The following PPIP5K2 variants were observed in gnomAD, a reference collection of about 807,000 sequenced individuals.
The protein encoded by PPIP5K2 is inositol hexakisphosphate and diphosphoinositol-pentakisphosphate kinase 2.
PPIP5K2 carries 105 observed loss-of-function variants against 154.6 expected under a neutral mutation model. The ratio of observed to expected loss-of-function variants is 0.68; its 90% CI spans 0.58 to 0.80. PPIP5K2 has a LOEUF of 0.80. PPIP5K2 is among the 30% of genes least tolerant of loss of function. PPIP5K2 has a pLI of 0.00. For missense variants in PPIP5K2, 992 were observed against 1,504.6 expected (o/e 0.66, Z 5.64); for synonymous variants, 480 against 490.3 (o/e 0.98, Z 0.28).
chr5:103,156,620 G>A (rs1276891553), intron 14 of PPIP5K2, among the ~76,000 whole-genome samples: 2 of 152,100 alleles, frequency 1.3e-5, no homozygotes, highest in African/African-American at 4.8e-5. Context: ...TGTTTTCTTC[G>A]TTTCTGTTTT....
chr5:103,197,143 C>G (rs920518771), intron 30 of PPIP5K2, among the ~76,000 whole-genome samples: 10 of 151,936 alleles, frequency 6.6e-5, no homozygotes, highest in African/African-American at 2.2e-4. Context: ...TTTTTTGTTT[C>G]TGTTTTTGTA....
chr5:103,199,624 T>C (rs1554229625), intron 30 of PPIP5K2, among the ~76,000 whole-genome samples: 1 of 152,096 alleles, frequency 6.6e-6, no homozygotes, highest in African/African-American at 2.4e-5. Context: ...TGTCTATTTT[T>C]TTTTTTCTTT....
intron 5 of PPIP5K2, among the ~76,000 whole-genome samples, chr5:103,141,017 G>A (rs1277621407): frequency 1.3e-5 from 2 of 151,908 alleles, no homozygotes; most frequent in African/African-American, 4.8e-5. Flanking sequence ...TCATCAATCT[G>A]ATAGAAAAAG....
At chr5:103,162,104 C>T (rs922009601) in intron 17 of PPIP5K2, among the ~76,000 whole-genome samples, 2 of 152,086 alleles carry the variant, frequency 1.3e-5, no homozygotes, top group Non-Finnish European at 2.9e-5. Context: ...TCAGATGATT[C>T]CATTTTGGTC....
At chr5:103,187,099 C>CT (rs1226123430) in intron 27 of PPIP5K2, among the ~76,000 whole-genome samples, 1 of 152,064 alleles carries the variant, frequency 6.6e-6, no homozygotes, top group African/African-American at 2.4e-5. Context: ...GCTCATCTTG[C>CT]TTTTCTTTCT....
intron 30 of PPIP5K2, among the ~76,000 whole-genome samples, chr5:103,201,126 T>C (rs1554230131): frequency 6.6e-6 from 1 of 152,232 alleles, no homozygotes; most frequent in African/African-American, 2.4e-5. Flanking sequence ...ATTAAGTTTG[T>C]CTTTCTCGTC....
chr5:103,174,968 C>T (rs1320653594), intron 21 of PPIP5K2, among the ~76,000 whole-genome samples: 4 of 152,084 alleles, frequency 2.6e-5, no homozygotes, highest in Admixed American at 2.6e-4. Context: ...CACTCAGTGC[C>T]ATGCTGTAAT....
intron 5 of PPIP5K2, among the ~76,000 whole-genome samples, chr5:103,143,909 C>T (rs1246395544): frequency 1.3e-5 from 2 of 151,570 alleles, no homozygotes; most frequent in African/African-American, 4.9e-5. Flanking sequence ...CTCTTTTATT[C>T]AACATAATAC....
intron 29 of PPIP5K2, 143 bp downstream of exon 29, chr5:103,191,125 G>A (rs1554226825): frequency 1.6e-6 from 1 of 623,002 alleles, no homozygotes; most frequent in Non-Finnish European, 2.5e-6. Flanking sequence ...ACATTATTAG[G>A]AATTCTTTGG....
At chr5:103,149,360 A>G in intron 8 of PPIP5K2, 47 bp downstream of exon 8, 1 of 1,521,380 alleles carries the variant, frequency 6.6e-7, no homozygotes, top group Non-Finnish European at 8.8e-7. Flanking sequence ...GTAAATTCTA[A>G]TTTTCTTTTT....
chr5:103,154,526 A>G (rs1795104769), intron 11 of PPIP5K2, 144 bp from the exon 12 acceptor site: 1 of 542,966 alleles, frequency 1.8e-6, no homozygotes, highest in Non-Finnish European at 3.2e-6. Flanking sequence ...CAACATGTAC[A>G]GTGAAAGAGG....
rs1248307918 is a variant in PPIP5K2 at position 103,201,387 on chromosome 5, A to G, written c.3620-135A>G. ...TGAAAAGTAAAAGGTTAAAAATGCT[A>G]TATTAAATTTTTACATTTCATTTAC... On this transcript the variant is annotated intron_variant, in intron 30 of 30. Coordinates refer to ENST00000358359, the MANE Select transcript of PPIP5K2 (RefSeq NM_001276277.3). 8.7e-6 allele frequency: 5 copies of G among 577,074 alleles called. No homozygotes were observed. In the East Asian group the frequency reaches 1.2e-4, roughly 14 times the overall value. The allele number at this position is 577,074 out of a possible 1,614,324, so 35.7% of individuals were successfully genotyped here. A position where few individuals can be genotyped will look rare whatever the true frequency, so the allele number is the denominator to read the frequency against.
At position 103,168,265 on chromosome 5, in the gene PPIP5K2, G is replaced by A. The variant is rs114915858; in HGVS notation, c.2256G>A (p.Ser752=). 1.7e-5 allele frequency: 27 copies of A among 1,606,776 alleles called. No individual in the cohort carries two copies. In the South Asian group the frequency reaches 1.9e-4, roughly 11 times the overall value. Residue 752 remains serine (S), a synonymous_variant, in exon 19 of 31, where the codon TCG becomes TCA. Transcript: ENST00000358359. The part of the protein sequence containing the change: ...LENTMELYRL[S]KALADIVIPQ... ...ACACAATGGAATTATATAGGCTTTCGAAGGCATTAGCAGATATTGTTATCC... is the reference window on the plus strand; with the variant it reads ...ACACAATGGAATTATATAGGCTTTCAAAGGCATTAGCAGATATTGTTATCC...
chr5:103,197,564 C>T (rs1554228929), intron 30 of PPIP5K2, among the ~76,000 whole-genome samples: 1 of 142,234 alleles, frequency 7.0e-6, no homozygotes, highest in African/African-American at 2.6e-5. Context: ...ATGTTTAAAA[C>T]ACAAATTTTT....
intron 3 of PPIP5K2, 53 bp from the exon 4 acceptor site, chr5:103,136,679 A>G (rs1791558657): frequency 1.1e-5 from 15 of 1,408,092 alleles, no homozygotes; most frequent in Non-Finnish European, 1.4e-5. Flanking sequence ...TTAATAAAGT[A>G]TAGATGCTTA....
At chr5:103,121,320 A>G (rs919088260) in intron 1 of PPIP5K2, among the ~76,000 whole-genome samples, 1 of 152,232 alleles carries the variant, frequency 6.6e-6, no homozygotes, top group Non-Finnish European at 1.5e-5. Flanking sequence ...AGTGCTTTAC[A>G]TAGTTTGTCA....
chr5:103,132,574 A>T (rs993048343), intron 2 of PPIP5K2, among the ~76,000 whole-genome samples: 1 of 152,156 alleles, frequency 6.6e-6, no homozygotes, highest in Non-Finnish European at 1.5e-5. Context: ...ATTAATTCTG[A>T]TGTTATCCAA....
chr5:103,186,037 A>T (rs1299217338), intron 26 of PPIP5K2, among the ~76,000 whole-genome samples: 1 of 151,378 alleles, frequency 6.6e-6, no homozygotes, highest in Non-Finnish European at 1.5e-5. Context: ...TTTAGGATGT[A>T]TATGTCTAAT....
intron 20 of PPIP5K2, 51 bp downstream of exon 20, chr5:103,173,333 C>A: frequency 1.3e-6 from 2 of 1,562,708 alleles, no homozygotes; most frequent in South Asian, 1.2e-5. Flanking sequence ...TTTTTGCATA[C>A]TTCAAATTTA....
Sources: allele counts gnomAD v4.1 joint callset (sites outside exome capture counted in the v4.1 genomes callset), GRCh38; gene constraint gnomAD v4.1.1; transcripts MANE v1.5; gene names NCBI Gene and HGNC (gene_info 2026-07-23, HGNC 2026-07-21).